The following VAV3 variants were observed in gnomAD, a reference collection of about 807,000 sequenced individuals.
VAV3 encodes the protein guanine nucleotide exchange factor VAV3.
In VAV3, 94 loss-of-function variants were observed where a neutral mutation model predicts 131.2. The observed-to-expected ratio is 0.72, with a 90% CI of 0.61 to 0.85. VAV3 has a LOEUF of 0.85. VAV3 is among the 40% of genes least tolerant of loss of function. The pLI is 0.00. For missense variants in VAV3, 939 were observed against 1,002.7 expected (o/e 0.94, Z 0.86); for synonymous variants, 349 against 342.0 (o/e 1.02, Z -0.22).
chr1:107,947,063 GATCCAAA>G (rs1194588767), intron 1 of VAV3, among the ~76,000 whole-genome samples: 1 of 152,186 alleles, frequency 6.6e-6, no homozygotes, highest in Non-Finnish European at 1.5e-5. Flanking sequence ...ATTAGCAGCA[GATCCAAA>G]ATTTGAACTC....
chr1:107,932,514 AC>A (rs1673490036), intron 1 of VAV3, among the ~76,000 whole-genome samples: 1 of 152,236 alleles, frequency 6.6e-6, no homozygotes, highest in South Asian at 2.1e-4. Context: ...TGCTGCAAGG[AC>A]CTGTAAGTAT....
chr1:107,686,686 T>C (rs573331252), intron 18 of VAV3, among the ~76,000 whole-genome samples: 3 of 152,296 alleles, frequency 2.0e-5, no homozygotes, highest in East Asian at 3.9e-4. Flanking sequence ...ATTATACTTA[T>C]ATTGAAGAGT....
chr1:107,589,932 T>C (rs1018220353), intron 25 of VAV3, among the ~76,000 whole-genome samples: 1 of 152,192 alleles, frequency 6.6e-6, no homozygotes, highest in Non-Finnish European at 1.5e-5. Context: ...AATGCTACTT[T>C]ATGTTCTACT....
intron 19 of VAV3, among the ~76,000 whole-genome samples, chr1:107,674,939 C>T (rs1350344647): frequency 6.6e-6 from 1 of 152,168 alleles, no homozygotes; most frequent in African/African-American, 2.4e-5. Context: ...CAGCTTCTGG[C>T]CAAGTGTTCC....
chr1:107,689,749 T>A lies in VAV3; in HGVS notation c.1706-1343A>T, dbSNP rs568671813. On this transcript the variant is annotated intron_variant, in intron 17 of 26. Transcript: ENST00000370056. ...CAAAAAGTTACTTCATTTCTTCTTT[T>A]CCTCCCTATTGGAAACACATAACGT... 2.0e-5 allele frequency among the ~76,000 whole-genome samples: 3 copies of A among 152,266 alleles called. No individual in the cohort carries two copies. The South Asian group carries it at 6.2e-4, about 32-fold the overall frequency.
At chr1:107,832,560 T>C (rs1327573209) in intron 2 of VAV3, among the ~76,000 whole-genome samples, 3 of 152,226 alleles carry the variant, frequency 2.0e-5, no homozygotes, top group African/African-American at 7.2e-5. Context: ...TTTTATAAAA[T>C]AATTTAAAAC....
At chr1:107,574,963 C>CTCTCTGTGTGTGTGTGTGTGTGTG (rs1304869776) in intron 25 of VAV3, among the ~76,000 whole-genome samples, 3 of 81,108 alleles carry the variant, frequency 3.7e-5, no homozygotes, top group African/African-American at 1.4e-4. Flanking sequence ...TTGAGTTTCT[C>CTCTCTGTGTGTGTGTGTGTGTGTG]TGTGTGTGTG....
chr1:107,948,817 G>T (rs1163160547), intron 1 of VAV3, among the ~76,000 whole-genome samples: 1 of 151,874 alleles, frequency 6.6e-6, no homozygotes, highest in Non-Finnish European at 1.5e-5. Flanking sequence ...CTGCACTCCA[G>T]CCTGGGCAAG....
At chr1:107,873,025 A>C (rs72689610) in intron 2 of VAV3, among the ~76,000 whole-genome samples, 2,543 of 152,320 alleles carry the variant, frequency 0.017, 30 homozygotes, top group Non-Finnish European at 0.026. Flanking sequence ...TTCTAAAGAG[A>C]TAGCTACTCC....
At chr1:107,822,093 T>A (rs551692667) in intron 2 of VAV3, among the ~76,000 whole-genome samples, 64 of 152,204 alleles carry the variant, frequency 4.2e-4, no homozygotes, top group African/African-American at 1.5e-3. Context: ...GGGCAAAAAC[T>A]CACCAGGTGG....
chr1:107,772,805 C>T lies in VAV3; in HGVS notation c.485G>A (p.Cys162Tyr), dbSNP rs1355503400. Residue 162 changes from cysteine to tyrosine, a missense_variant, in exon 5 of 27, where the codon TGT becomes TAT. Transcript: ENST00000370056. ...TCCACCTTCATCTTCCCCATAAACA[C>T]AGTCATAGAGATCTTCTTCATCTTC... is the stretch of plus-strand genomic sequence containing the variant. ...LVEDEEDLYD[C>Y]VYGEDEGGEV... 1 of 1,613,798 alleles carries T rather than the reference C, an allele frequency of 6.2e-7. No homozygotes were observed. The highest frequency in any genetic ancestry group is 8.5e-7 in the Non-Finnish European group (1 of 1,179,874).
At chr1:107,662,119 G>C (rs986516314) in intron 19 of VAV3, among the ~76,000 whole-genome samples, 2 of 152,058 alleles carry the variant, frequency 1.3e-5, no homozygotes, top group African/African-American at 4.8e-5. Flanking sequence ...TATTTAAAGA[G>C]GCTGTGTTAT....
intron 15 of VAV3, among the ~76,000 whole-genome samples, chr1:107,730,078 T>C (rs548679616): frequency 3.9e-4 from 59 of 152,294 alleles, no homozygotes; most frequent in Middle Eastern, 3.4e-3. Context: ...AGTGTTTTCT[T>C]AGAGGAACAT....
chr1:107,647,152 C>G (rs1269955341), intron 19 of VAV3, among the ~76,000 whole-genome samples: 1 of 150,786 alleles, frequency 6.6e-6, no homozygotes, highest in Non-Finnish European at 1.5e-5. Context: ...AGATTAGTAT[C>G]TATTCATGAT....
intron 9 of VAV3, among the ~76,000 whole-genome samples, chr1:107,764,394 T>C (rs529785215): frequency 6.6e-6 from 1 of 152,380 alleles, no homozygotes; most frequent in South Asian, 2.1e-4. Flanking sequence ...AGAGCCCTAT[T>C]ATACAGTGCT....
intron 1 of VAV3, among the ~76,000 whole-genome samples, chr1:107,879,100 T>C (rs551378375): frequency 6.6e-6 from 1 of 152,308 alleles, no homozygotes; most frequent in East Asian, 1.9e-4. Context: ...TCATGTTTCC[T>C]TTCAACATAA....
At chr1:107,894,300 AT>A (rs1191347001) in intron 1 of VAV3, among the ~76,000 whole-genome samples, 1 of 152,216 alleles carries the variant, frequency 6.6e-6, no homozygotes, top group African/African-American at 2.4e-5. Flanking sequence ...CTAGATAAAA[AT>A]GCAATTTTCA....
At chr1:107,805,355 C>A (rs945357533) in intron 2 of VAV3, among the ~76,000 whole-genome samples, 6 of 152,104 alleles carry the variant, frequency 3.9e-5, no homozygotes, top group Non-Finnish European at 7.3e-5. Context: ...CCTTTCCATT[C>A]TTTCTTTTTT....
At chr1:107,701,961 C>T (rs1197065291) in intron 17 of VAV3, among the ~76,000 whole-genome samples, 1 of 152,186 alleles carries the variant, frequency 6.6e-6, no homozygotes, top group Non-Finnish European at 1.5e-5. Flanking sequence ...CCAAACTGTT[C>T]CAACCTCTAT....
Sources: allele counts gnomAD v4.1 joint callset (sites outside exome capture counted in the v4.1 genomes callset), GRCh38; gene constraint gnomAD v4.1.1; transcripts MANE v1.5; gene names NCBI Gene and HGNC (gene_info 2026-07-23, HGNC 2026-07-21).